TMEM233: variants seen among roughly 807,000 people sequenced by gnomAD.
TMEM233 encodes dispanin subfamily B member 2.
TMEM233 carries 6 observed loss-of-function variants against 11.2 expected under a neutral mutation model. That is an observed-to-expected ratio of 0.54 (90% CI 0.29 to 1.06). TMEM233 has a LOEUF of 1.06. Ranked by LOEUF, TMEM233 falls within the 50% of genes least tolerant of loss-of-function variation. The probability of loss-of-function intolerance (pLI) is 0.08; values close to 1 mark genes in which losing one functional copy is unlikely to be tolerated. For missense variants in TMEM233, 127 were observed against 144.7 expected (o/e 0.88, Z 0.63); for synonymous variants, 59 against 55.8 (o/e 1.06, Z -0.26).
At chr12:119,625,423 G>A (rs1232697696) in intron 1 of TMEM233, among the ~76,000 whole-genome samples, 1 of 149,912 alleles carries the variant, frequency 6.7e-6, no homozygotes, top group African/African-American at 2.5e-5. Flanking sequence ...AGGCTGGAGT[G>A]CAGTGGCACG....
At chr12:119,608,746 C>T (rs1055404261) in intron 1 of TMEM233, among the ~76,000 whole-genome samples, 1 of 152,190 alleles carries the variant, frequency 6.6e-6, no homozygotes, top group Non-Finnish European at 1.5e-5. Context: ...GTTTCCACAG[C>T]ATGTGGGAAA....
chr12:119,600,278 G>A (rs1467356120), intron 1 of TMEM233, among the ~76,000 whole-genome samples: 1 of 149,480 alleles, frequency 6.7e-6, no homozygotes, highest in African/African-American at 2.5e-5. Context: ...AGCATCCCCA[G>A]AGAATAAGAA....
At chr12:119,620,854 A>G (rs1954626660) in intron 1 of TMEM233, among the ~76,000 whole-genome samples, 2 of 152,150 alleles carry the variant, frequency 1.3e-5, no homozygotes, top group Admixed American at 6.5e-5. Flanking sequence ...TGCAGAACAC[A>G]TGTAGTATGA....
At chr12:119,613,585 A>G (rs930757825) in intron 1 of TMEM233, among the ~76,000 whole-genome samples, 15 of 152,170 alleles carry the variant, frequency 9.9e-5, no homozygotes, top group Admixed American at 1.3e-4. Flanking sequence ...AGGCTGAGGC[A>G]GGATGAACAC....
intron 1 of TMEM233, among the ~76,000 whole-genome samples, chr12:119,609,439 A>G (rs2136700164): frequency 6.6e-6 from 1 of 152,358 alleles, no homozygotes; most frequent in Admixed American, 6.5e-5. Context: ...AGTAACCAGG[A>G]GCCAAATGTT....
At chr12:119,629,135 C>T (rs941750406) in intron 1 of TMEM233, among the ~76,000 whole-genome samples, 3 of 152,194 alleles carry the variant, frequency 2.0e-5, no homozygotes, top group African/African-American at 4.8e-5. Flanking sequence ...GAAGGCCGGG[C>T]GTGGTGGCTC....
intron 1 of TMEM233, among the ~76,000 whole-genome samples, chr12:119,601,843 G>A (rs2136679471): frequency 6.6e-6 from 1 of 152,190 alleles, no homozygotes; most frequent in Admixed American, 6.5e-5. Flanking sequence ...AAAGTCATGG[G>A]CGAATGTGCC....
At chr12:119,603,862 T>A (rs1351003100) in intron 1 of TMEM233, among the ~76,000 whole-genome samples, 2 of 152,238 alleles carry the variant, frequency 1.3e-5, no homozygotes, top group African/African-American at 4.8e-5. Flanking sequence ...CCTACCTTTA[T>A]CTCTGAGGGT....
chr12:119,606,560 T>C (rs1447764057), intron 1 of TMEM233, among the ~76,000 whole-genome samples: 1 of 152,224 alleles, frequency 6.6e-6, no homozygotes, highest in Non-Finnish European at 1.5e-5. Flanking sequence ...CAGTATTGAC[T>C]GAACTCAACA....
intron 1 of TMEM233, among the ~76,000 whole-genome samples, chr12:119,604,907 A>G (rs146985537): frequency 6.6e-6 from 1 of 152,154 alleles, no homozygotes; most frequent in East Asian, 1.9e-4. Flanking sequence ...TGCTGGGATT[A>G]CAGGCATGAG....
At chr12:119,647,703 C>T (rs1310857124), downstream of TMEM233, among the ~76,000 whole-genome samples, 1 of 152,104 alleles carries the variant, frequency 6.6e-6, no homozygotes, top group African/African-American at 2.4e-5. Context: ...TTTGCTGCAC[C>T]TATCAACCTA....
intron 1 of TMEM233, among the ~76,000 whole-genome samples, chr12:119,598,380 T>C (rs1216008413): frequency 6.6e-6 from 1 of 152,216 alleles, no homozygotes. Context: ...TTTGCAAAAC[T>C]GAACCAACTG....
chr12:119,621,389 C>T (rs1024866558), intron 1 of TMEM233, among the ~76,000 whole-genome samples: 1 of 152,122 alleles, frequency 6.6e-6, no homozygotes, highest in Non-Finnish European at 1.5e-5. Flanking sequence ...TGCTATGTTG[C>T]CCAGGCTGGT....
intron 1 of TMEM233, among the ~76,000 whole-genome samples, chr12:119,617,122 C>T (rs1954553810): frequency 6.6e-6 from 1 of 152,012 alleles, no homozygotes; most frequent in Non-Finnish European, 1.5e-5. Context: ...AACTGGGTAA[C>T]AGACAGAGAT....
At chr12:119,615,475 C>A (rs904105853) in intron 1 of TMEM233, among the ~76,000 whole-genome samples, 6 of 152,150 alleles carry the variant, frequency 3.9e-5, no homozygotes, top group African/African-American at 1.4e-4. Context: ...TGGGGTCCCA[C>A]CCCCAGAGAG....
At chr12:119,639,457 A>G (rs1158844661) in intron 2 of TMEM233, among the ~76,000 whole-genome samples, 1 of 49,024 alleles carries the variant, frequency 2.0e-5, no homozygotes. Context: ...CTCTACTAAA[A>G]ATAGAAAAAA....
chr12:119,627,886 C>T (rs1040137195), intron 1 of TMEM233, among the ~76,000 whole-genome samples: 7 of 152,234 alleles, frequency 4.6e-5, no homozygotes, highest in African/African-American at 1.7e-4. Flanking sequence ...AGCTACCACC[C>T]CTTTCCAGGG....
intron 1 of TMEM233, among the ~76,000 whole-genome samples, chr12:119,628,662 G>C (rs549591635): frequency 6.6e-6 from 1 of 151,956 alleles, no homozygotes; most frequent in African/African-American, 2.4e-5. Context: ...ACCACGCCCG[G>C]CTAATTTTTT....
chr12:119,620,588 C>A (rs908851562), intron 1 of TMEM233, among the ~76,000 whole-genome samples: 1 of 152,148 alleles, frequency 6.6e-6, no homozygotes, highest in Non-Finnish European at 1.5e-5. Flanking sequence ...GAGAACCATA[C>A]TCACAATGTT....
Sources: gnomAD v4.1 joint callset for allele counts (sites outside exome capture counted in the v4.1 genomes callset) on GRCh38, gnomAD v4.1.1 for gene constraint, MANE v1.5 for transcripts, NCBI Gene and HGNC (gene_info 2026-07-23, HGNC 2026-07-21) for gene names.